PIBF1: variants seen among roughly 807,000 people sequenced by gnomAD.
PIBF1 encodes the protein progesterone-induced-blocking factor 1.
Under a neutral mutation model 112.5 loss-of-function variants are expected in PIBF1, and 90 were observed. The ratio of observed to expected loss-of-function variants is 0.80; its 90% CI spans 0.67 to 0.95. The LOEUF is 0.95. Ranked by LOEUF, PIBF1 falls within the 40% of genes least tolerant of loss-of-function variation. The pLI, the probability that PIBF1 is intolerant of heterozygous loss-of-function variation, is 0.00. For missense variants in PIBF1, 915 were observed against 852.3 expected, an observed-to-expected ratio of 1.07 and a Z score of -0.92; for synonymous variants, 301 against 288.6, an observed-to-expected ratio of 1.04 and a Z score of -0.44.
intron 14 of PIBF1, among the ~76,000 whole-genome samples, chr13:72,952,513 G>A (rs1314548354): frequency 1.3e-5 from 2 of 151,018 alleles, no homozygotes; most frequent in African/African-American, 2.4e-5. Context: ...ATCTTTTGGG[G>A]GTGTTATATA....
Position 72,835,339 on chromosome 13 carries a change from C to T in PIBF1, c.1194C>T (p.Ala398=). Residue 398 remains alanine, a synonymous_variant, in exon 9 of 18, where the codon GCC becomes GCT. Transcript: ENST00000326291. Reference sequence around the variant, plus strand: ...AAGAAATTGATCAACTTCGAAATGCCTCTAGGGAAATGTATGAACGAGAAA... The same window carrying T: ...AAGAAATTGATCAACTTCGAAATGCTTCTAGGGAAATGTATGAACGAGAAA... The part of the protein sequence containing the change: ...TNQEIDQLRN[A]SREMYERENR... 1.3e-6 allele frequency: 2 copies of T among 1,585,516 alleles called. No individual in the cohort carries two copies. Among genetic ancestry groups the T allele is most frequent in the Non-Finnish European group, 1.7e-6 (2 of 1,168,810 alleles).
At chr13:72,990,528 CAAAAAAAAAAA>C (rs113835188) in intron 16 of PIBF1, among the ~76,000 whole-genome samples, 1 of 63,780 alleles carries the variant, frequency 1.6e-5, no homozygotes. Flanking sequence ...CTCTCCATCT[CAAAAAAAAAAA>C]AAAAAAACCT....
At chr13:72,861,069 A>G (rs10492655) in intron 10 of PIBF1, among the ~76,000 whole-genome samples, 32,737 of 152,080 alleles carry the variant, frequency 0.22, 3,621 homozygotes, top group Middle Eastern at 0.27. Flanking sequence ...GGGATCTAAA[A>G]TGTAAGGTTG....
chr13:72,893,969 T>A lies in PIBF1; in HGVS notation c.1488+20T>A. On this transcript the variant is annotated intron_variant, in intron 11 of 17. Transcript: ENST00000326291. The stretch of plus-strand genomic sequence containing the variant: ...TTGGAGGTACATGTACAAGCTTTTC[T>A]TTCAACATTAGCATGGCATGTAAAC... The A allele has an allele frequency of 6.6e-7, 1 of 1,524,586 alleles. No individual in the cohort carries two copies. Among genetic ancestry groups the A allele is most frequent in the Non-Finnish European group, 8.9e-7 (1 of 1,127,040 alleles). 94.4% of individuals were successfully genotyped at this position (1,524,586 alleles called of 1,614,324 possible).
At chr13:72,805,555 A>G (rs962419558) in intron 5 of PIBF1, among the ~76,000 whole-genome samples, 6 of 152,350 alleles carry the variant, frequency 3.9e-5, no homozygotes, top group African/African-American at 1.4e-4. Context: ...TACTTATTTA[A>G]GGTTGGATAT....
At chr13:72,915,791 A>G (rs1031275572) in intron 12 of PIBF1, among the ~76,000 whole-genome samples, 1 of 152,208 alleles carries the variant, frequency 6.6e-6, no homozygotes, top group African/African-American at 2.4e-5. Context: ...ACAAAATTAA[A>G]AGAAAACAGT....
At chr13:72,997,083 A>G (rs958243351) in intron 16 of PIBF1, among the ~76,000 whole-genome samples, 4 of 152,174 alleles carry the variant, frequency 2.6e-5, no homozygotes, top group East Asian at 1.9e-4. Context: ...TCTCCTGACC[A>G]CTAAACCCCC....
intron 5 of PIBF1, among the ~76,000 whole-genome samples, chr13:72,819,765 A>G (rs2036456425): frequency 6.6e-6 from 1 of 151,856 alleles, no homozygotes; most frequent in Non-Finnish European, 1.5e-5. Flanking sequence ...TTCTGCCCCT[A>G]CCGCTAAATA....
chr13:72,931,359 G>A, intron 14 of PIBF1, 92 bp downstream of exon 14: 1 of 852,778 alleles, frequency 1.2e-6, no homozygotes, highest in Admixed American at 2.6e-5. Flanking sequence ...TTTAAAATAA[G>A]CTGTTTGCTA....
chr13:72,813,405 G>A (rs969748354), intron 5 of PIBF1, among the ~76,000 whole-genome samples: 1 of 152,142 alleles, frequency 6.6e-6, no homozygotes, highest in Non-Finnish European at 1.5e-5. Context: ...GTTACGTATT[G>A]CTGCATAACA....
At chr13:72,858,612 T>A (rs182568853) in intron 10 of PIBF1, among the ~76,000 whole-genome samples, 1 of 152,224 alleles carries the variant, frequency 6.6e-6, no homozygotes. Flanking sequence ...AATTAGGTGT[T>A]GCATGGTTGG....
At chr13:72,862,061 A>G (rs1006522931) in intron 10 of PIBF1, among the ~76,000 whole-genome samples, 4 of 152,220 alleles carry the variant, frequency 2.6e-5, no homozygotes, top group Non-Finnish European at 5.9e-5. Context: ...CAGACAGTAT[A>G]TATTCATCTT....
chr13:72,947,785 G>A (rs753640660), intron 14 of PIBF1, among the ~76,000 whole-genome samples: 6 of 152,044 alleles, frequency 3.9e-5, no homozygotes, highest in South Asian at 2.1e-4. Flanking sequence ...ACACGTGTAC[G>A]CATATATTTA....
intron 15 of PIBF1, among the ~76,000 whole-genome samples, chr13:72,967,943 TG>T (rs2138921752): frequency 6.6e-6 from 1 of 152,208 alleles, no homozygotes; most frequent in Admixed American, 6.5e-5. Context: ...CCCAGCACTT[TG>T]GGAGGCCGAG....
chr13:73,004,501 A>AAAG (rs1555332440), intron 17 of PIBF1, among the ~76,000 whole-genome samples: 3,928 of 138,774 alleles, frequency 0.028, 78 homozygotes, highest in Non-Finnish European at 0.033. Flanking sequence ...AAAAAAAAAA[A>AAAG]AAAGAAAGAA....
rs566148137 is a variant in PIBF1 at position 72,949,799 on chromosome 13, T to A, written c.1834-15475T>A. Among the ~76,000 whole-genome samples, 198 of 152,338 alleles carry A rather than the reference T, an allele frequency of 1.3e-3. 1 individual carries two copies. Among genetic ancestry groups the A allele is most frequent in the African/African-American group, 3.9e-3 (164 of 41,566 alleles). On this transcript the variant is annotated intron_variant, in intron 14 of 17. Coordinates refer to ENST00000326291, the MANE Select transcript of PIBF1 (RefSeq NM_006346.4). ...TTCTGTTTCTTTTTTTATTATTATT[T>A]TTTTAACACTGTTTGCAACCTATGT...
At chr13:72,881,162 T>C (rs189000059) in intron 10 of PIBF1, 1 of 151,908 alleles carries the variant, frequency 6.6e-6, no homozygotes, top group African/African-American at 2.4e-5. Flanking sequence ...GGAACCATGC[T>C]AATTTTCTCT....
intron 9 of PIBF1, among the ~76,000 whole-genome samples, chr13:72,847,131 A>G (rs2037912037): frequency 6.6e-6 from 1 of 152,214 alleles, no homozygotes; most frequent in South Asian, 2.1e-4. Context: ...GTAAATCTTA[A>G]CACATTAATG....
At position 72,783,689 on chromosome 13, in the gene PIBF1, A is replaced by AT; in HGVS notation, c.221dup (p.Asp75ArgfsTer12). On this transcript the variant is annotated frameshift_variant, in exon 2 of 18. Coordinates refer to ENST00000326291, the MANE Select transcript of PIBF1 (RefSeq NM_006346.4). LOFTEE classifies it high-confidence loss of function. ...TGAGCTATCCCAGAAAACTATGATG[A>AT]TCGACAATTTGAAAGTGGATTATCT... 1 of 1,613,998 alleles carries AT rather than the reference A, an allele frequency of 6.2e-7. No homozygotes were observed. The highest frequency in any genetic ancestry group is 8.5e-7 in the Non-Finnish European group (1 of 1,179,876).
Sources: allele counts gnomAD v4.1 joint callset (sites outside exome capture counted in the v4.1 genomes callset), GRCh38; gene constraint gnomAD v4.1.1; transcripts MANE v1.5; gene names NCBI Gene and HGNC (gene_info 2026-07-23, HGNC 2026-07-21).